COL7A1: variants seen among roughly 807,000 people sequenced by gnomAD.
COL7A1 encodes the protein collagen alpha-1(VII) chain.
COL7A1 carries 296 observed loss-of-function variants against 456.2 expected under a neutral mutation model. That is an observed-to-expected ratio of 0.65 (90% CI 0.59 to 0.71). The LOEUF (loss-of-function observed/expected upper bound fraction) is 0.71. Among genes scored for constraint, COL7A1 ranks in the 30% least tolerant of loss-of-function variants. The pLI is 0.00. For synonymous variants in COL7A1, 1,464 were observed against 1,525.9 expected (o/e 0.96, Z 0.95); for missense variants, 3,441 against 4,017.2 (o/e 0.86, Z 3.88).
rs986563029 is a variant in COL7A1, at chr3:48,574,460, C to T, written c.6456+28G>A. Reference sequence around the variant, plus strand: ...TACATGTGAGAGCCACCTTCTTGCACATGTGTGGCTGTTGGGCAAGGACTT... The same window carrying T: ...TACATGTGAGAGCCACCTTCTTGCATATGTGTGGCTGTTGGGCAAGGACTT... On this transcript the variant is annotated intron_variant, in intron 79 of 118. Transcript: ENST00000681320. The surrounding 1 kb of genome is among the most constrained non-coding windows in gnomAD (Gnocchi z 5.0). The T allele has an allele frequency of 4.3e-6, 7 of 1,614,098 alleles. No individual in the cohort carries two copies. The highest frequency in any genetic ancestry group is 2.2e-5 in the South Asian group (2 of 91,080).
chr3:48,589,291 T>G, intron 18 of COL7A1, 36 bp downstream of exon 18: 1 of 1,611,432 alleles, frequency 6.2e-7, no homozygotes. Flanking sequence ...GGGTAGCTAA[T>G]GCGGTGTGGC....
chr3:48,583,120 C>CACTT lies in COL7A1; in HGVS notation c.4482+3_4482+6dup, dbSNP rs1575462766. On this transcript the variant is annotated splice_region_variant and intron_variant, in intron 43 of 118. Transcript: ENST00000681320. The surrounding 1 kb of genome is among the most constrained non-coding windows in gnomAD (Gnocchi z 5.1). ...AGGGCCCTTGGCACCCCCCAGGTTG[C>CACTT]ACTTACCTTCTCTCCAGCCTCACCC... The CACTT allele has an allele frequency of 6.2e-7, 1 of 1,613,948 alleles. No homozygotes were observed. The highest frequency in any genetic ancestry group is 2.2e-5 in the East Asian group (1 of 44,870).
In COL7A1 at chr3:48,579,013, G is replaced by C; in HGVS notation, c.5389-59C>G. The C allele has an allele frequency of 6.2e-7, 1 of 1,607,102 alleles. No individual in the cohort carries two copies. Among genetic ancestry groups the C allele is most frequent in the Non-Finnish European group, 8.5e-7 (1 of 1,174,054 alleles). ...CATGGGGTCAGGGGCTCTAGTCCCT[G>C]TGAGCCTAAGGCCTGCATGGCAAGA... On this transcript the variant is annotated intron_variant, in intron 62 of 118. Transcript: ENST00000681320. The surrounding 1 kb of genome is among the most constrained non-coding windows in gnomAD (Gnocchi z 4.4).
Position 48,590,158 on chromosome 3 carries a change from G to A in COL7A1, c.2050+55C>T. The A allele has an allele frequency of 6.3e-7, 1 of 1,594,528 alleles. No homozygotes were observed. The highest frequency in any genetic ancestry group is 2.2e-5 in the East Asian group (1 of 44,582). On this transcript the variant is annotated intron_variant, in intron 16 of 118. Coordinates refer to ENST00000681320, the MANE Select transcript of COL7A1 (RefSeq NM_000094.4). The surrounding 1 kb of genome is among the most constrained non-coding windows in gnomAD (Gnocchi z 4.6). ...GCAAGGGTCTGCAAGGGAAGGCATG[G>A]GGGTCTGAAAGAGCAATGGAGGCAG...
rs199807238 is a variant in COL7A1 at position 48,586,291 on chromosome 3, C to T, written c.3550+41G>A. ...CTGCATGATAGCCTTTTCAGGGCCA[C>T]CCCTATTCCCAGACCCCTTCCCCAT... On this transcript the variant is annotated intron_variant, in intron 27 of 118. Transcript: ENST00000681320. The surrounding 1 kb of genome is among the most constrained non-coding windows in gnomAD (Gnocchi z 5.1). The T allele has an allele frequency of 3.2e-5, 52 of 1,613,738 alleles. No individual in the cohort carries two copies. The East Asian group carries it at 1.2e-3, about 36-fold the overall frequency.
At position 48,588,536 on chromosome 3, in the gene COL7A1, A is replaced by G; in HGVS notation, c.2587+106T>C. 6.2e-7 allele frequency: 1 copy of G among 1,606,886 alleles called. No individual in the cohort carries two copies. Among genetic ancestry groups the G allele is most frequent in the Non-Finnish European group, 8.5e-7 (1 of 1,177,104 alleles). On this transcript the variant is annotated intron_variant, in intron 20 of 118. Transcript: ENST00000681320. This position sits in a 1 kb window ranked among gnomAD's most constrained non-coding sequence, Gnocchi z 4.6. ...CCCTCCTCTCAGACCCTGCCCCCAA[A>G]GGCTCACTACCAATCCTGGTCCTTT...
rs2043767886 is a variant in COL7A1 at position 48,569,325 on chromosome 3, C to T, written c.7686+50G>A. 6.3e-7 allele frequency: 1 copy of T among 1,593,704 alleles called. No homozygotes were observed. The highest frequency in any genetic ancestry group is 8.6e-7 in the Non-Finnish European group (1 of 1,161,392). On this transcript the variant is annotated intron_variant, in intron 103 of 118. Transcript: ENST00000681320. This position sits in a 1 kb window ranked among gnomAD's most constrained non-coding sequence, Gnocchi z 4.9. ...CCTGCCCTCACAGATGCTGTGGAACCACCACAGCCACAGGACCCCACAGAG... is the reference window on the plus strand; with the variant it reads ...CCTGCCCTCACAGATGCTGTGGAACTACCACAGCCACAGGACCCCACAGAG...
chr3:48,576,366 C>A (rs1333134511), intron 70 of COL7A1, 34 bp downstream of exon 70: 1 of 1,613,910 alleles, frequency 6.2e-7, no homozygotes, highest in Non-Finnish European at 8.5e-7. Flanking sequence ...GGTGCTGTGG[C>A]TACCTGGGCA....
In COL7A1 at chr3:48,571,047, C is replaced by A. The variant is rs1350357751; in HGVS notation, c.7164+54G>T. On this transcript the variant is annotated intron_variant, in intron 94 of 118. Coordinates refer to ENST00000681320, the MANE Select transcript of COL7A1 (RefSeq NM_000094.4). This position sits in a 1 kb window ranked among gnomAD's most constrained non-coding sequence, Gnocchi z 4.6. ...ACTCTCATCAGAACTCCCTCTTCCT[C>A]CTGTGGGGGCCCGGCCTGCTGCCCC... 170 of 1,612,000 alleles carry A rather than the reference C, an allele frequency of 1.1e-4. No homozygotes were observed. The highest frequency in any genetic ancestry group is 1.7e-6 in the Non-Finnish European group (2 of 1,178,398).
At chr3:48,584,996 G>C in intron 33 of COL7A1, 40 bp downstream of exon 33, 1 of 1,613,642 alleles carries the variant, frequency 6.2e-7, no homozygotes, top group East Asian at 2.2e-5. Context: ...CACCCACTCA[G>C]GCAGCGCCCA....
In COL7A1 at chr3:48,593,076, G is replaced by A. The variant is rs1559439346; in HGVS notation, c.682+26C>T. The A allele has an allele frequency of 1.2e-5, 19 of 1,614,006 alleles. No individual in the cohort carries two copies. The highest frequency in any genetic ancestry group is 1.4e-5 in the Non-Finnish European group (17 of 1,180,032). On this transcript the variant is annotated intron_variant, in intron 6 of 118. Transcript: ENST00000681320. The surrounding 1 kb of genome is among the most constrained non-coding windows in gnomAD (Gnocchi z 4.4). Reference sequence around the variant, plus strand: ...GATTGGGGTCCGGGGTCTAGGTCAGGGTACACCGTGTGGGCAGGAACTCAC... The same window carrying A: ...GATTGGGGTCCGGGGTCTAGGTCAGAGTACACCGTGTGGGCAGGAACTCAC...
At position 48,569,719 on chromosome 3, in the gene COL7A1, A is replaced by G. The variant is rs1402610673; in HGVS notation, c.7557+6T>C. Reference sequence around the variant, plus strand: ...CCTGCCCTGCCCTCCCCATGCCCACACTCACCTTGTCACCCTTTAGTCCTG... The same window carrying G: ...CCTGCCCTGCCCTCCCCATGCCCACGCTCACCTTGTCACCCTTTAGTCCTG... On this transcript the variant is annotated splice_donor_region_variant and intron_variant, in intron 101 of 118. Coordinates refer to ENST00000681320, the MANE Select transcript of COL7A1 (RefSeq NM_000094.4). The surrounding 1 kb of genome is among the most constrained non-coding windows in gnomAD (Gnocchi z 4.9). 3.7e-6 allele frequency: 6 copies of G among 1,613,814 alleles called. No individual in the cohort carries two copies. The South Asian group carries it at 6.6e-5, about 18-fold the overall frequency.
In COL7A1 at chr3:48,573,732, T is replaced by G; in HGVS notation, c.6538-7A>C. On this transcript the variant is annotated splice_polypyrimidine_tract_variant and splice_region_variant and intron_variant, in intron 81 of 118. Coordinates refer to ENST00000681320, the MANE Select transcript of COL7A1 (RefSeq NM_000094.4). The surrounding 1 kb of genome is among the most constrained non-coding windows in gnomAD (Gnocchi z 5.5). ...CAGGGTCTCCATGACCACCCTGTTGTGGCGAAAAAGAGTCTGATGAGGGGG... is the reference window on the plus strand; with the variant it reads ...CAGGGTCTCCATGACCACCCTGTTGGGGCGAAAAAGAGTCTGATGAGGGGG... The G allele has an allele frequency of 6.2e-7, 1 of 1,613,570 alleles. No individual in the cohort carries two copies. Among genetic ancestry groups the G allele is most frequent in the South Asian group, 1.1e-5 (1 of 90,998 alleles).
Position 48,587,185 on chromosome 3 carries a change from T to C in COL7A1, c.3139+5A>G, listed in dbSNP as rs953838151. 2 of 1,613,268 alleles carry C rather than the reference T, an allele frequency of 1.2e-6. No homozygotes were observed. Among genetic ancestry groups the C allele is most frequent in the Middle Eastern group, 1.6e-4 (1 of 6,062 alleles). On this transcript the variant is annotated splice_donor_5th_base_variant and intron_variant, in intron 24 of 118. Transcript: ENST00000681320. The surrounding 1 kb of genome is among the most constrained non-coding windows in gnomAD (Gnocchi z 6.1). ...TTTCTGCCCTTCCCACTACGCCCAC[T>C]ATACCTGGCGTCTGTGTGACAGATG... is the stretch of plus-strand genomic sequence containing the variant.
At position 48,564,664 on chromosome 3, in the gene COL7A1, G is replaced by T; in HGVS notation, c.8818+119C>A. 3 of 1,233,838 alleles carry T rather than the reference G, an allele frequency of 2.4e-6. No individual in the cohort carries two copies. The highest frequency in any genetic ancestry group is 2.3e-6 in the Non-Finnish European group (2 of 884,450). 76.4% of individuals were successfully genotyped at this position (1,233,838 alleles called of 1,614,324 possible). A position where few individuals can be genotyped will look rare whatever the true frequency, so the allele number is the denominator to read the frequency against. ...GGGCGTCTGCCCCAGGTCCCCTACT[G>T]CGAGGGAGCGTCTCCTCCAGGACCC... On this transcript the variant is annotated intron_variant, in intron 118 of 118. Coordinates refer to ENST00000681320, the MANE Select transcript of COL7A1 (RefSeq NM_000094.4). The surrounding 1 kb of genome is among the most constrained non-coding windows in gnomAD (Gnocchi z 6.0).
Position 48,593,006 on chromosome 3 carries a change from T to C in COL7A1, c.683-68A>G, listed in dbSNP as rs989662266. The C allele has an allele frequency of 6.2e-7, 1 of 1,611,828 alleles. No homozygotes were observed. Among genetic ancestry groups the C allele is most frequent in the Non-Finnish European group, 8.5e-7 (1 of 1,179,286 alleles). On this transcript the variant is annotated intron_variant, in intron 6 of 118. Transcript: ENST00000681320. This position sits in a 1 kb window ranked among gnomAD's most constrained non-coding sequence, Gnocchi z 4.4. ...GGGCATGTATGATGCAGAGTTGGGG[T>C]CGGGGTCAGGAGCACATAGGATGGA... is the stretch of plus-strand genomic sequence containing the variant.
chr3:48,590,430 G>A lies in COL7A1; in HGVS notation c.1906+29C>T, dbSNP rs2107779880. The A allele has an allele frequency of 6.2e-7, 1 of 1,614,054 alleles. No individual in the cohort carries two copies. Among genetic ancestry groups the A allele is most frequent in the East Asian group, 2.2e-5 (1 of 44,882 alleles). Reference sequence around the variant, plus strand: ...CACCCATACCCTCATTGGTCCCTTTGGCAGTCCCCCCACACACCCCACACT... The same window carrying A: ...CACCCATACCCTCATTGGTCCCTTTAGCAGTCCCCCCACACACCCCACACT... On this transcript the variant is annotated intron_variant, in intron 15 of 118. Transcript: ENST00000681320. This position sits in a 1 kb window ranked among gnomAD's most constrained non-coding sequence, Gnocchi z 4.6.
chr3:48,571,525 G>A lies in COL7A1; in HGVS notation c.7069-247C>T, dbSNP rs1023552211. 2 of 705,324 alleles carry A rather than the reference G, an allele frequency of 2.8e-6. No homozygotes were observed. Among genetic ancestry groups the A allele is most frequent in the African/African-American group, 3.5e-5 (2 of 57,014 alleles). 43.7% of individuals were successfully genotyped at this position (705,324 alleles called of 1,614,324 possible). On this transcript the variant is annotated intron_variant, in intron 92 of 118. Coordinates refer to ENST00000681320, the MANE Select transcript of COL7A1 (RefSeq NM_000094.4). The surrounding 1 kb of genome is among the most constrained non-coding windows in gnomAD (Gnocchi z 4.6). ...AGTTCAGGCATGGCACAGGCACAGG[G>A]AGCCCACACGCGAGTGCAGACATCT...
Position 48,568,101 on chromosome 3 carries a change from G to C in COL7A1, c.7864C>G (p.Arg2622Gly). 4 of 1,614,110 alleles carry C rather than the reference G, an allele frequency of 2.5e-6. No individual in the cohort carries two copies. Among genetic ancestry groups the C allele is most frequent in the Non-Finnish European group, 3.4e-6 (4 of 1,180,002 alleles). ...EKGDVGFMGP[R>G]GLKGERGVKG... ...TGTTTCTTTCCTACCTTGAGGCCCC[G>C]GGGACCCATGAAGCCAACATCTCCT... Residue 2622 changes from arginine to glycine, a missense_variant, in exon 106 of 119, where the codon CGG becomes GGG. By Grantham distance (125) the Arg-to-Gly change is moderately radical. This residue lies in a region of COL7A1 where 2,084 missense variants were observed against 2,501.3 expected (regional missense o/e 0.83). Transcript: ENST00000681320. The surrounding 1 kb of genome is among the most constrained non-coding windows in gnomAD (Gnocchi z 5.2).
Sources: gnomAD v4.1 joint callset for allele counts on GRCh38, gnomAD v4.1.1 for gene constraint, gnomAD v4.1.1 regional missense constraint, Gnocchi (gnomAD v3.1) non-coding constraint, MANE v1.5 for transcripts, NCBI Gene and HGNC (gene_info 2026-07-23, HGNC 2026-07-21) for gene names.